Variants in ELF1 observed in about 807,000 individuals in gnomAD.
ELF1 encodes E74 like ETS transcription factor 1.
A neutral mutation model predicts 59.9 loss-of-function variants in ELF1; 24 were observed. That is an observed-to-expected ratio of 0.40 (90% CI 0.29 to 0.56). ELF1 has a LOEUF of 0.56. Ranked by LOEUF, ELF1 falls within the 20% of genes least tolerant of loss-of-function variation. ELF1 has a pLI of 0.44. For synonymous variants in ELF1, 248 were observed against 266.2 expected (o/e 0.93, Z 0.67); for missense variants, 627 against 742.2 (o/e 0.84, Z 1.80).
chr13:41,051,354 A>G (rs114672846), intron 1 of ELF1, among the ~76,000 whole-genome samples: 68 of 151,870 alleles, frequency 4.5e-4, no homozygotes, highest in African/African-American at 1.4e-3. Flanking sequence ...ACTGCCCCCA[A>G]TTCATGCGCT....
intron 1 of ELF1, among the ~76,000 whole-genome samples, chr13:40,995,882 T>C (rs1874103359): frequency 6.6e-6 from 1 of 152,202 alleles, no homozygotes; most frequent in Non-Finnish European, 1.5e-5. Context: ...TCATTAAAAT[T>C]AAAAATTTTG....
rs548239610 is a variant in ELF1, at chr13:41,002,510, A to G, written c.-229+16718T>C. ...TTAAAAATTAGATGGGCATGGTGGC[A>G]TGAGCTGGTGGTCCCAGCTACTTCG... On this transcript the variant is annotated intron_variant, in intron 1 of 8. Transcript: ENST00000239882. 1.3e-4 allele frequency among the ~76,000 whole-genome samples: 20 copies of G among 149,570 alleles called. 1 individual carries two copies. In the South Asian group the frequency reaches 4.0e-3, roughly 30 times the overall value.
chr13:41,044,678 C>T (rs1281359089), intron 1 of ELF1, among the ~76,000 whole-genome samples: 1 of 152,180 alleles, frequency 6.6e-6, no homozygotes, highest in Non-Finnish European at 1.5e-5. Context: ...TTTTGATGTG[C>T]TGCTGGATTC....
rs1394961771 is a variant in ELF1, at chr13:40,961,307, T to TTAGAAAAGAGGAAGCTAGC, written c.73-2310_73-2292dup. ...TTATTTCAAAATCTTTCTTCCTGTTTTAGAAAAGAGGAAGCTAGCTAGAAA... is the reference window on the plus strand; with the variant it reads ...TTATTTCAAAATCTTTCTTCCTGTTTTAGAAAAGAGGAAGCTAGCTAGAAAAGAGGAAGCTAGCTAGAAA... On this transcript the variant is annotated intron_variant, in intron 2 of 8. Coordinates refer to ENST00000239882, the MANE Select transcript of ELF1 (RefSeq NM_172373.4). Among the ~76,000 whole-genome samples the TTAGAAAAGAGGAAGCTAGC allele has an allele frequency of 2.0e-5, 3 of 152,318 alleles. No homozygotes were observed. In the East Asian group the frequency reaches 5.8e-4, roughly 29 times the overall value.
chr13:41,014,416 T>G (rs1031105850), intron 1 of ELF1, among the ~76,000 whole-genome samples: 6 of 152,140 alleles, frequency 3.9e-5, no homozygotes, highest in African/African-American at 1.4e-4. Context: ...GCTGCATAAT[T>G]TCTCCCTCTC....
intron 1 of ELF1, among the ~76,000 whole-genome samples, chr13:40,996,154 G>C (rs1454837317): frequency 6.6e-6 from 1 of 152,030 alleles, no homozygotes; most frequent in African/African-American, 2.4e-5. Context: ...CCAAAATCCA[G>C]AACACTGACA....
intron 5 of ELF1, among the ~76,000 whole-genome samples, chr13:40,946,538 A>G (rs1673663375): frequency 2.0e-5 from 3 of 152,166 alleles, no homozygotes; most frequent in Admixed American, 2.0e-4. Flanking sequence ...GCACAGGCCC[A>G]CTTATATAGG....
intron 3 of ELF1, among the ~76,000 whole-genome samples, chr13:40,958,081 C>A (rs1241836674): frequency 6.6e-6 from 1 of 152,180 alleles, no homozygotes; most frequent in Non-Finnish European, 1.5e-5. Flanking sequence ...AAACAGTTTT[C>A]TCAAATATCC....
At chr13:41,026,012 C>A (rs1035747059) in intron 1 of ELF1, among the ~76,000 whole-genome samples, 4 of 152,178 alleles carry the variant, frequency 2.6e-5, no homozygotes, top group African/African-American at 9.6e-5. Flanking sequence ...ATATATCAAC[C>A]CCCTAGACCT....
intron 3 of ELF1, among the ~76,000 whole-genome samples, chr13:40,952,847 TTACCCTCTG>T (rs148750014): frequency 0.19 from 28,741 of 151,984 alleles, 3,019 homozygotes; most frequent in African/African-American, 0.27. Flanking sequence ...CCTCAAGTCC[TTACCCTCTG>T]TACAGGATTA....
intron 2 of ELF1, among the ~76,000 whole-genome samples, chr13:40,964,123 A>G (rs9525438): frequency 0.55 from 83,994 of 152,052 alleles, 26,482 homozygotes; most frequent in Non-Finnish European, 0.7. Context: ...GTAACTGGCT[A>G]AAGTATGAGT....
chr13:40,951,517 A>G (rs1870850099), intron 3 of ELF1, 81 bp from the exon 4 acceptor site: 1 of 948,510 alleles, frequency 1.1e-6, no homozygotes, highest in Middle Eastern at 2.3e-4. Context: ...TATCTCTAGA[A>G]CCAGAATACA....
At chr13:40,999,540 G>C (rs1328442503) in intron 1 of ELF1, among the ~76,000 whole-genome samples, 2 of 152,248 alleles carry the variant, frequency 1.3e-5, no homozygotes, top group East Asian at 3.9e-4. Context: ...TTGAGAAGAA[G>C]TAAAAAAAGT....
At chr13:41,060,137 C>A (rs1475231166) in intron 1 of ELF1, among the ~76,000 whole-genome samples, 1 of 152,186 alleles carries the variant, frequency 6.6e-6, no homozygotes, top group East Asian at 1.9e-4. Flanking sequence ...GGTGGAGACG[C>A]GAGCGCACAC....
chr13:40,994,305 CTTTT>C (rs757630458), intron 1 of ELF1, among the ~76,000 whole-genome samples: 1 of 152,086 alleles, frequency 6.6e-6, no homozygotes, highest in African/African-American at 2.4e-5. Flanking sequence ...AAGTTTAACT[CTTTT>C]TTTGAGCATG....
intron 1 of ELF1, among the ~76,000 whole-genome samples, chr13:41,003,768 G>A (rs7321361): frequency 0.18 from 28,027 of 152,012 alleles, 2,770 homozygotes; most frequent in East Asian, 0.26. Flanking sequence ...GATGCTTAGC[G>A]AGCTAAAATA....
chr13:40,988,948 C>A (rs190647448), intron 1 of ELF1, among the ~76,000 whole-genome samples: 62 of 152,196 alleles, frequency 4.1e-4, no homozygotes, highest in Middle Eastern at 3.4e-3. Flanking sequence ...CAGGTGTGCA[C>A]CACCACGTCT....
intron 2 of ELF1, among the ~76,000 whole-genome samples, chr13:40,978,767 T>G (rs1276667681): frequency 6.6e-6 from 1 of 150,988 alleles, no homozygotes; most frequent in African/African-American, 2.4e-5. Context: ...AATAGTAAAA[T>G]GTCATTTCCA....
intron 2 of ELF1, among the ~76,000 whole-genome samples, chr13:40,968,319 C>T (rs200443653): frequency 1.3e-5 from 2 of 152,142 alleles, no homozygotes; most frequent in East Asian, 1.9e-4. Context: ...GATAAACACA[C>T]ACAAAAAATT....
Sources: gnomAD v4.1 joint callset for allele counts (sites outside exome capture counted in the v4.1 genomes callset) on GRCh38, gnomAD v4.1.1 for gene constraint, MANE v1.5 for transcripts, NCBI Gene and HGNC (gene_info 2026-07-23, HGNC 2026-07-21) for gene names.